EIF4G1: variants seen among roughly 807,000 people sequenced by gnomAD.
EIF4G1 encodes the protein EIF4-gamma.
EIF4G1 carries 4 observed loss-of-function variants against 187.8 expected under a neutral mutation model. The observed-to-expected ratio is 0.02, with a 90% CI of 0.01 to 0.05. The LOEUF (loss-of-function observed/expected upper bound fraction) is 0.05. EIF4G1 is among the 10% of genes least tolerant of loss of function. The probability of loss-of-function intolerance (pLI) is 1.00; values close to 1 mark genes in which losing one functional copy is unlikely to be tolerated. For missense variants in EIF4G1, 1,647 were observed against 2,081.1 expected (o/e 0.79, Z 4.06); for synonymous variants, 844 against 781.4 (o/e 1.08, Z -1.34).
chr3:184,318,220 C>T (rs79447291), intron 6 of EIF4G1, among the ~76,000 whole-genome samples: 10 of 152,206 alleles, frequency 6.6e-5, no homozygotes, highest in Admixed American at 2.6e-4. Flanking sequence ...TTTTGATCAC[C>T]TATCAGGAAA....
At position 184,320,640 on chromosome 3, in the gene EIF4G1, G is replaced by A; in HGVS notation, c.548G>A (p.Arg183Gln). 1 of 1,613,996 alleles carries A rather than the reference G, an allele frequency of 6.2e-7. No individual in the cohort carries two copies. Among genetic ancestry groups the A allele is most frequent in the Non-Finnish European group, 8.5e-7 (1 of 1,179,988 alleles). The change falls in exon 8 of 33, where the codon CGA becomes CAA. Residue 183 changes from arginine to glutamine, a missense_variant. Coordinates refer to ENST00000346169, the MANE Select transcript of EIF4G1 (RefSeq NM_198241.3). ...GCTTTCTTTCCCCAGATCCGAATTC[G>A]AGATCCAAACCAAGGAGGAAAGGAT... ...PKRERKTIRI[R>Q]DPNQGGKDIT... is the part of the protein sequence containing the mutation.
At chr3:184,315,384 C>A (rs1722579986) in intron 1 of EIF4G1, 105 bp from the exon 2 acceptor site, 1 of 526,416 alleles carries the variant, frequency 1.9e-6, no homozygotes, top group Admixed American at 1.9e-5. Context: ...GCAGCTAGCT[C>A]CGTTCGTGAT....
In EIF4G1 at chr3:184,323,705, C is replaced by G; in HGVS notation, c.2275-75C>G. On this transcript the variant is annotated intron_variant, in intron 15 of 32. Coordinates refer to ENST00000346169, the MANE Select transcript of EIF4G1 (RefSeq NM_198241.3). This position sits in a 1 kb window ranked among gnomAD's most constrained non-coding sequence, Gnocchi z 6.9. ...ACTAGCATCTGTCATGCCTAAGTCC[C>G]CACCACCCTCTCCTGTCCCTCCCAA... 2 of 1,610,260 alleles carry G rather than the reference C, an allele frequency of 1.2e-6. No homozygotes were observed. The highest frequency in any genetic ancestry group is 1.3e-5 in the African/African-American group (1 of 74,940).
intron 6 of EIF4G1, among the ~76,000 whole-genome samples, chr3:184,319,467 T>TTGTG (rs756906987): frequency 8.9e-5 from 1 of 11,264 alleles, no homozygotes; most frequent in Non-Finnish European, 1.7e-4. Flanking sequence ...GTGTGTGTGT[T>TTGTG]TGTGTGTGTG....
In EIF4G1 at chr3:184,322,973, G is replaced by A. The variant is rs1227166096; in HGVS notation, c.1929+19G>A. ...GGACAAGGTTAGTGGCTTCAGTTGG[G>A]GAGGGGACGATAAGTTTGTGCTGGA... is the stretch of plus-strand genomic sequence containing the variant. On this transcript the variant is annotated intron_variant, in intron 13 of 32. Transcript: ENST00000346169. 2 of 1,614,084 alleles carry A rather than the reference G, an allele frequency of 1.2e-6. No individual in the cohort carries two copies. Among genetic ancestry groups the A allele is most frequent in the Non-Finnish European group, 1.7e-6 (2 of 1,180,038 alleles).
intron 32 of EIF4G1, among the ~76,000 whole-genome samples, chr3:184,333,352 G>A (rs1726504956): frequency 6.6e-6 from 1 of 152,194 alleles, no homozygotes; most frequent in Non-Finnish European, 1.5e-5. Flanking sequence ...AGAGATCAGG[G>A]CAGGAGGCAG....
At position 184,327,934 on chromosome 3, in the gene EIF4G1, G is replaced by A. The variant is rs1725260455; in HGVS notation, c.3885G>A (p.Glu1295=). The A allele has an allele frequency of 6.2e-7, 1 of 1,612,480 alleles. No individual in the cohort carries two copies. The highest frequency in any genetic ancestry group is 2.2e-5 in the East Asian group (1 of 44,864). ...TGGAGCGCAGTGCCATTGCTCGTGA[G>A]CATATGGGGCAGCTGCTGCACCAGC... ...STLERSAIAR[E]HMGQLLHQLL... The change falls in exon 26 of 33, where the codon GAG becomes GAA. Residue 1295 remains glutamate (E), a synonymous_variant. Transcript: ENST00000346169.
In EIF4G1 at chr3:184,328,730, TG is replaced by T; in HGVS notation, c.4057del (p.Val1353CysfsTer14). 1 of 1,613,800 alleles carries T rather than the reference TG, an allele frequency of 6.2e-7. No homozygotes were observed. Among genetic ancestry groups the T allele is most frequent in the Non-Finnish European group, 8.5e-7 (1 of 1,179,910 alleles). On this transcript the variant is annotated frameshift_variant, in exon 27 of 33. Coordinates refer to ENST00000346169, the MANE Select transcript of EIF4G1 (RefSeq NM_198241.3). LOFTEE classifies it high-confidence loss of function. ...TGGTAACACCCATTCTGCAGGAAGG[TG>T]GGGTGCCCATGGGGGAGCTGTTCAG... ...ELVTPILQEGGVPMGELFREI... is the reference protein window; with the variant it reads ...ELVTPILQEGXVPMGELFREI...
intron 28 of EIF4G1, among the ~76,000 whole-genome samples, chr3:184,329,621 C>T (rs1326492733): frequency 6.6e-6 from 1 of 152,158 alleles, no homozygotes; most frequent in Non-Finnish European, 1.5e-5. Context: ...GAGCAAGACT[C>T]TGTCTCCAAA....
chr3:184,322,711 G>GAAGTATGAATAT lies in EIF4G1; in HGVS notation c.1781_1792dup (p.Tyr594_Lys597dup). 1.2e-6 allele frequency: 2 copies of GAAGTATGAATAT among 1,614,230 alleles called. No individual in the cohort carries two copies. Among genetic ancestry groups the GAAGTATGAATAT allele is most frequent in the Non-Finnish European group, 1.7e-6 (2 of 1,180,054 alleles). ...CTGAGAACATCCAGCCCGGGGAACA[G>GAAGTATGAATAT]AAGTATGAATATAAGTCAGGTATGC... On this transcript the variant is annotated inframe_insertion, in exon 12 of 33. Coordinates refer to ENST00000346169, the MANE Select transcript of EIF4G1 (RefSeq NM_198241.3).
Position 184,325,423 on chromosome 3 carries a change from A to C in EIF4G1, c.2961+50A>C. On this transcript the variant is annotated intron_variant, in intron 19 of 32. Transcript: ENST00000346169. The surrounding 1 kb of genome is among the most constrained non-coding windows in gnomAD (Gnocchi z 5.2). Reference sequence around the variant, plus strand: ...GCCAGCCTGCTGCCTCCAGTTTCTGACACTGCCTTGTCTTGCCTTCCCTGA... The same window carrying C: ...GCCAGCCTGCTGCCTCCAGTTTCTGCCACTGCCTTGTCTTGCCTTCCCTGA... The C allele has an allele frequency of 1.2e-6, 2 of 1,614,074 alleles. No individual in the cohort carries two copies. Among genetic ancestry groups the C allele is most frequent in the Non-Finnish European group, 1.7e-6 (2 of 1,179,994 alleles).
At chr3:184,316,296 G>A in intron 4 of EIF4G1, 78 bp downstream of exon 4, 1 of 1,552,546 alleles carries the variant, frequency 6.4e-7, no homozygotes, top group East Asian at 2.4e-5. Context: ...GTCTAGGATG[G>A]AAACTGGAGG....
chr3:184,321,731 C>T lies in EIF4G1; in HGVS notation c.1147C>T (p.Pro383Ser), dbSNP rs1181248167. The T allele has an allele frequency of 1.1e-5, 17 of 1,596,022 alleles. 1 individual carries two copies. The highest frequency in any genetic ancestry group is 1.4e-5 in the Non-Finnish European group (16 of 1,168,602). ...GGAGTCAAGCCCAGAGCTTGCTCCTCCCCCAGCTTGCCCCTCCGAATCCCC... is the reference window on the plus strand; with the variant it reads ...GGAGTCAAGCCCAGAGCTTGCTCCTTCCCCAGCTTGCCCCTCCGAATCCCC... Reference protein sequence around the residue: ...EVESSPELAPPPACPSESPVP... With the variant: ...EVESSPELAPSPACPSESPVP... Residue 383 changes from proline to serine, a missense_variant, in exon 10 of 33, where the codon CCC (proline) becomes TCC (serine). Physicochemically the swap from Pro to Ser is moderately conservative, Grantham distance 74. Around this residue, in one of 11 missense-constraint regions of EIF4G1, gnomAD observed 522 missense variants for 485.2 expected, o/e 1.08. Coordinates refer to ENST00000346169, the MANE Select transcript of EIF4G1 (RefSeq NM_198241.3).
At chr3:184,327,005 T>C in intron 23 of EIF4G1, 22 bp downstream of exon 23, 1 of 1,613,910 alleles carries the variant, frequency 6.2e-7, no homozygotes, top group South Asian at 1.1e-5. Flanking sequence ...TGGACATCTT[T>C]GTTATTCACA....
Position 184,327,873 on chromosome 3 carries a change from T to C in EIF4G1, c.3824T>C (p.Leu1275Pro). 6.2e-7 allele frequency: 1 copy of C among 1,613,996 alleles called. No homozygotes were observed. The change falls in exon 26 of 33, where the codon CTC becomes CCC. Residue 1275 changes from leucine to proline, a missense_variant. Around this residue, in one of 11 missense-constraint regions of EIF4G1, gnomAD observed 543 missense variants for 638.0 expected, o/e 0.85. Coordinates refer to ENST00000346169, the MANE Select transcript of EIF4G1 (RefSeq NM_198241.3). ...CAGGAGCTGGCCTCACCCTCCTTGC[T>C]CTTCATCTTTGTACGGCATGGTGTC... is the stretch of plus-strand genomic sequence containing the variant. ...CVQELASPSL[L>P]FIFVRHGVES...
chr3:184,327,822 C>A lies in EIF4G1; in HGVS notation c.3781-8C>A. ...TGGTCTCTTCCTGCTGTGCCCTGCACCCCTCAGGAGGCAGTCCAGTGCGTG... is the reference window on the plus strand; with the variant it reads ...TGGTCTCTTCCTGCTGTGCCCTGCAACCCTCAGGAGGCAGTCCAGTGCGTG... On this transcript the variant is annotated splice_polypyrimidine_tract_variant and splice_region_variant and intron_variant, in intron 25 of 32. Coordinates refer to ENST00000346169, the MANE Select transcript of EIF4G1 (RefSeq NM_198241.3). The A allele has an allele frequency of 6.2e-7, 1 of 1,614,086 alleles. No individual in the cohort carries two copies. The highest frequency in any genetic ancestry group is 8.5e-7 in the Non-Finnish European group (1 of 1,180,022).
In EIF4G1 at chr3:184,323,412, G is replaced by C. The variant is rs373584582; in HGVS notation, c.2093G>C (p.Gly698Ala). Residue 698 changes from glycine to alanine, a missense_variant, in exon 15 of 33, where the codon GGC (glycine) becomes GCC (alanine). Transcript: ENST00000346169. The surrounding 1 kb of genome is among the most constrained non-coding windows in gnomAD (Gnocchi z 6.9). ...TCTTCATCCCTTGCTTAGCAGGCTG[G>C]CCTGGGACCCCGGCGCTCTCAGCAG... ...PGGELPRGPA[G>A]LGPRRSQQGP... 341 of 1,614,090 alleles carry C rather than the reference G, an allele frequency of 2.1e-4. 1 individual carries two copies. The highest frequency in any genetic ancestry group is 2.8e-4 in the Non-Finnish European group (336 of 1,180,060).
chr3:184,334,785 C>T lies in EIF4G1; in HGVS notation c.4677C>T (p.Ala1559=). ...ACGAGGACGTGGTGAAGGAGGATGC[C>T]TTCTACAGTTGGGAGAGTAGCAAGG... ...LYDEDVVKED[A]FYSWESSKDP... Residue 1559 remains alanine, a synonymous_variant, in exon 33 of 33, where the codon GCC becomes GCT. Coordinates refer to ENST00000346169, the MANE Select transcript of EIF4G1 (RefSeq NM_198241.3). The surrounding 1 kb of genome is among the most constrained non-coding windows in gnomAD (Gnocchi z 5.8). The T allele has an allele frequency of 6.2e-7, 1 of 1,614,212 alleles. No homozygotes were observed. The highest frequency in any genetic ancestry group is 8.5e-7 in the Non-Finnish European group (1 of 1,180,038).
rs757806778 is a variant in EIF4G1 at position 184,325,703 on chromosome 3, G to C, written c.3121+64G>C. ...GGACCGGGAGGTTATACTTTCCTCTGATGACTTCCTGTTAGTGCCACGTGT... is the reference window on the plus strand; with the variant it reads ...GGACCGGGAGGTTATACTTTCCTCTCATGACTTCCTGTTAGTGCCACGTGT... On this transcript the variant is annotated intron_variant, in intron 20 of 32. Coordinates refer to ENST00000346169, the MANE Select transcript of EIF4G1 (RefSeq NM_198241.3). This position sits in a 1 kb window ranked among gnomAD's most constrained non-coding sequence, Gnocchi z 5.2. 2.5e-5 allele frequency: 41 copies of C among 1,613,476 alleles called. No individual in the cohort carries two copies. Among genetic ancestry groups the C allele is most frequent in the Non-Finnish European group, 3.4e-5 (40 of 1,179,634 alleles).
Sources: allele counts gnomAD v4.1 joint callset (sites outside exome capture counted in the v4.1 genomes callset), GRCh38; gene constraint gnomAD v4.1.1; regional missense constraint gnomAD v4.1.1; non-coding constraint Gnocchi (gnomAD v3.1); transcripts MANE v1.5; gene names NCBI Gene and HGNC (gene_info 2026-07-23, HGNC 2026-07-21).